The following ITGA8 variants were observed in gnomAD, a reference collection of about 807,000 sequenced individuals.
ITGA8 encodes the protein integrin alpha-8.
ITGA8 carries 91 observed loss-of-function variants against 142.3 expected under a neutral mutation model. The observed-to-expected ratio is 0.64, with a 90% CI of 0.54 to 0.76. The LOEUF is 0.76. ITGA8 is among the 30% of genes least tolerant of loss of function. ITGA8 has a pLI of 0.00. For missense variants in ITGA8, 1,406 were observed against 1,327.7 expected (o/e 1.06, Z -0.92); for synonymous variants, 505 against 485.2 (o/e 1.04, Z -0.54).
chr10:15,665,983 T>C (rs896003042), intron 8 of ITGA8, among the ~76,000 whole-genome samples: 12 of 152,254 alleles, frequency 7.9e-5, no homozygotes, highest in African/African-American at 2.9e-4. Context: ...TGGTTTAGGA[T>C]TGACTTGGCG....
At chr10:15,615,858 C>A (rs1034458202) in intron 14 of ITGA8, among the ~76,000 whole-genome samples, 1 of 152,130 alleles carries the variant, frequency 6.6e-6, no homozygotes, top group African/African-American at 2.4e-5. Flanking sequence ...AGCACCACCT[C>A]TCTCCCAGTT....
chr10:15,623,197 T>C (rs1833524677), intron 13 of ITGA8, among the ~76,000 whole-genome samples: 1 of 152,160 alleles, frequency 6.6e-6, no homozygotes, highest in Non-Finnish European at 1.5e-5. Context: ...AACAATCCTA[T>C]GAGAAAGATA....
chr10:15,614,024 C>G (rs117347975), intron 14 of ITGA8, among the ~76,000 whole-genome samples: 8 of 152,132 alleles, frequency 5.3e-5, no homozygotes, highest in Non-Finnish European at 1.2e-4. Flanking sequence ...AGCAAAGTTG[C>G]GTACACAACC....
At chr10:15,535,775 G>A (rs1463859650) in intron 27 of ITGA8, among the ~76,000 whole-genome samples, 2 of 152,170 alleles carry the variant, frequency 1.3e-5, no homozygotes, top group Non-Finnish European at 2.9e-5. Context: ...TGGGACAGCA[G>A]TGGCAACCTG....
Position 15,575,503 on chromosome 10 carries a change from C to T in ITGA8, c.2464G>A (p.Glu822Lys), listed in dbSNP as rs1045833982. The change falls in exon 24 of 30, where the codon GAA (glutamate) becomes AAA (lysine). Residue 822 changes from glutamate to lysine, a missense_variant. Physicochemically the swap from Glu to Lys is moderately conservative, Grantham distance 56 (BLOSUM62 1). Coordinates refer to ENST00000378076, the MANE Select transcript of ITGA8 (RefSeq NM_003638.3). ...ACAATGGCTACCTCATAAATATGTT[C>T]CACCAATGGTCCAACCTCCTCCTCT... The part of the protein sequence containing the change: ...HKEEEVGPLV[E>K]HIYELHNIGP... 1.9e-5 allele frequency: 31 copies of T among 1,612,686 alleles called. No homozygotes were observed. The highest frequency in any genetic ancestry group is 2.5e-5 in the Non-Finnish European group (29 of 1,178,846).
intron 2 of ITGA8, among the ~76,000 whole-genome samples, chr10:15,693,370 T>C (rs116563938): frequency 6.6e-6 from 1 of 152,230 alleles, no homozygotes; most frequent in Non-Finnish European, 1.5e-5. Flanking sequence ...AGTTTACTTA[T>C]GATTACAGAC....
intron 2 of ITGA8, among the ~76,000 whole-genome samples, chr10:15,716,516 C>A (rs1302938473): frequency 2.0e-5 from 3 of 152,102 alleles, no homozygotes; most frequent in Admixed American, 2.0e-4. Context: ...TGTTTTACTG[C>A]AAATATAATT....
intron 2 of ITGA8, among the ~76,000 whole-genome samples, chr10:15,709,014 C>G (rs1370508993): frequency 6.6e-6 from 1 of 152,162 alleles, no homozygotes; most frequent in African/African-American, 2.4e-5. Flanking sequence ...TTTGGGTCTG[C>G]TTTGACCTCA....
chr10:15,557,990 C>T, intron 26 of ITGA8, 84 bp downstream of exon 26: 1 of 1,524,374 alleles, frequency 6.6e-7, no homozygotes. Context: ...CAAGAACAAT[C>T]CTTGAAGTTA....
At chr10:15,669,094 G>T (rs1022608380) in intron 8 of ITGA8, among the ~76,000 whole-genome samples, 1 of 152,090 alleles carries the variant, frequency 6.6e-6, no homozygotes, top group Non-Finnish European at 1.5e-5. Context: ...AGTTCTCCTG[G>T]GTAATATCCT....
At chr10:15,574,082 A>G (rs936342297) in intron 24 of ITGA8, among the ~76,000 whole-genome samples, 1 of 152,094 alleles carries the variant, frequency 6.6e-6, no homozygotes, top group Non-Finnish European at 1.5e-5. Flanking sequence ...TCAGCTTCCT[A>G]AAGTGCTGGG....
intron 13 of ITGA8, 130 bp from the exon 14 acceptor site, chr10:15,616,689 A>T (rs918767140): frequency 1.1e-5 from 8 of 751,926 alleles, no homozygotes; most frequent in Admixed American, 4.1e-5. Context: ...TTAGAAGAGA[A>T]ATCACACCTT....
At chr10:15,629,853 G>A (rs1379375754) in intron 13 of ITGA8, among the ~76,000 whole-genome samples, 2 of 151,984 alleles carry the variant, frequency 1.3e-5, no homozygotes, top group African/African-American at 2.4e-5. Context: ...TCTTGAACCC[G>A]GGAAGCAGAG....
chr10:15,639,207 G>A (rs1307938517), intron 13 of ITGA8, among the ~76,000 whole-genome samples: 1 of 152,038 alleles, frequency 6.6e-6, no homozygotes, highest in Non-Finnish European at 1.5e-5. Flanking sequence ...GAACCACACA[G>A]AGGCAATGTT....
chr10:15,707,822 A>G (rs1022130316), intron 2 of ITGA8, among the ~76,000 whole-genome samples: 27 of 134,836 alleles, frequency 2.0e-4, no homozygotes, highest in African/African-American at 7.4e-4. Context: ...GTTTCCTTCT[A>G]AAAAAAAAAA....
At chr10:15,562,371 G>T (rs766108519) in intron 25 of ITGA8, among the ~76,000 whole-genome samples, 4 of 152,198 alleles carry the variant, frequency 2.6e-5, no homozygotes, top group Non-Finnish European at 4.4e-5. Context: ...AGGCTATGGG[G>T]TAGAGAAGCC....
chr10:15,672,564 T>A (rs576034932), intron 7 of ITGA8, 60 bp downstream of exon 7: 2 of 1,546,718 alleles, frequency 1.3e-6, no homozygotes, highest in South Asian at 2.5e-5. Context: ...AAAACTTGCA[T>A]CTACATTTAC....
chr10:15,548,416 A>C, intron 27 of ITGA8, 39 bp downstream of exon 27: 1 of 1,366,318 alleles, frequency 7.3e-7, no homozygotes, highest in South Asian at 1.2e-5. Flanking sequence ...AGCAGCTCCC[A>C]GTGAGCAGTG....
intron 8 of ITGA8, 95 bp from the exon 9 acceptor site, chr10:15,661,017 G>A (rs1439903993): frequency 8.9e-7 from 1 of 1,122,712 alleles, no homozygotes; most frequent in Non-Finnish European, 1.3e-6. Context: ...GACAGTGCTT[G>A]TAAAATGAGT....
Sources: gnomAD v4.1 joint callset for allele counts (sites outside exome capture counted in the v4.1 genomes callset) on GRCh38, gnomAD v4.1.1 for gene constraint, MANE v1.5 for transcripts, NCBI Gene and HGNC (gene_info 2026-07-23, HGNC 2026-07-21) for gene names.